Variants in LIPA observed in about 807,000 individuals in gnomAD.
The protein encoded by LIPA is lipase A, lysosomal acid type.
A neutral mutation model predicts 40.6 loss-of-function variants in LIPA; 26 were observed. That is an observed-to-expected ratio of 0.64 (90% confidence interval 0.47 to 0.89). LIPA has a LOEUF of 0.89. LIPA is among the 40% of genes least tolerant of loss of function. The pLI, the probability that LIPA is intolerant of heterozygous loss-of-function variation, is 0.00. For missense variants in LIPA, 455 were observed against 479.6 expected, an observed-to-expected ratio of 0.95 and a Z score of 0.48; for synonymous variants, 188 against 168.4, an observed-to-expected ratio of 1.12 and a Z score of -0.90.
intron 2 of LIPA, among the ~76,000 whole-genome samples, chr10:89,366,165 A>G (rs1297024221): frequency 6.6e-6 from 1 of 152,130 alleles, no homozygotes; most frequent in Non-Finnish European, 1.5e-5. Context: ...GAGGTCCTTC[A>G]CATCCCTTGT....
intron 1 of LIPA, among the ~76,000 whole-genome samples, chr10:89,288,928 C>A (rs985590593): frequency 6.6e-6 from 1 of 152,206 alleles, no homozygotes; most frequent in Non-Finnish European, 1.5e-5. Flanking sequence ...ATCATTAATT[C>A]CTCTTTAATA....
chr10:89,261,435 G>C (rs193181938), intron 1 of LIPA, among the ~76,000 whole-genome samples: 2 of 152,270 alleles, frequency 1.3e-5, no homozygotes, highest in African/African-American at 4.8e-5. Flanking sequence ...AACCCGGGAG[G>C]AGGAGGTTGC....
At chr10:89,306,561 T>C in intron 1 of LIPA, 3 of 1,614,086 alleles carry the variant, frequency 1.9e-6, no homozygotes, top group Non-Finnish European at 1.7e-6. Flanking sequence ...AGGCAAGCCA[T>C]TCGGCTGAAT....
chr10:89,257,306 T>C (rs1055878876), intron 1 of LIPA, among the ~76,000 whole-genome samples: 2 of 152,220 alleles, frequency 1.3e-5, no homozygotes, highest in African/African-American at 4.8e-5. Flanking sequence ...ATTTTGATTT[T>C]GACAACTTTC....
At chr10:89,313,804 A>G (rs1247395293) in intron 1 of LIPA, among the ~76,000 whole-genome samples, 1 of 152,230 alleles carries the variant, frequency 6.6e-6, no homozygotes, top group African/African-American at 2.4e-5. Context: ...ATATTGTATG[A>G]TTCTGTTTAT....
At chr10:89,218,104 C>T (rs1037309836) in intron 8 of LIPA, among the ~76,000 whole-genome samples, 1 of 151,936 alleles carries the variant, frequency 6.6e-6, no homozygotes. Flanking sequence ...GGAGGAAATG[C>T]CTATAGTATT....
At chr10:89,412,800 G>T in exon 2 of LIPA, 1 of 264,410 alleles carries the variant, frequency 3.8e-6, no homozygotes, top group Admixed American at 5.0e-5. Context: ...CCAGAAGGAA[G>T]AAACTCCAGA....
intron 7 of LIPA, 127 bp from the exon 8 acceptor site, chr10:89,222,709 G>A (rs1842716303): frequency 4.2e-6 from 3 of 711,496 alleles, no homozygotes; most frequent in East Asian, 2.6e-5. Context: ...TGAGATGAGA[G>A]GTAGAAAAAA....
intron 1 of LIPA, among the ~76,000 whole-genome samples, chr10:89,266,035 C>T (rs1001458705): frequency 6.6e-6 from 1 of 152,222 alleles, no homozygotes; most frequent in African/African-American, 2.4e-5. Context: ...CAGCCCCCTT[C>T]AGCTGTGATG....
chr10:89,408,975 T>C (rs1290801613), intron 2 of LIPA, among the ~76,000 whole-genome samples: 2 of 152,152 alleles, frequency 1.3e-5, no homozygotes, highest in Non-Finnish European at 2.9e-5. Flanking sequence ...CTAGAAGGAC[T>C]AAGGAGAATT....
At chr10:89,271,093 T>A (rs771123077) in intron 1 of LIPA, among the ~76,000 whole-genome samples, 7 of 152,212 alleles carry the variant, frequency 4.6e-5, no homozygotes, top group Non-Finnish European at 8.8e-5. Context: ...TGAGCAAGAT[T>A]CCTGTGACCC....
At chr10:89,308,887 T>A (rs1199101612) in intron 1 of LIPA, 2 of 152,334 alleles carry the variant, frequency 1.3e-5, no homozygotes, top group East Asian at 3.9e-4. Flanking sequence ...TGTCATATAT[T>A]TTCATTAATA....
chr10:89,310,199 C>A (rs899607786), intron 1 of LIPA, among the ~76,000 whole-genome samples: 1 of 152,154 alleles, frequency 6.6e-6, no homozygotes, highest in South Asian at 2.1e-4. Flanking sequence ...TTATTTATTT[C>A]TCTGCCTCAG....
chr10:89,289,816 T>C (rs114463291), intron 1 of LIPA, among the ~76,000 whole-genome samples: 2,133 of 152,258 alleles, frequency 0.014, 49 homozygotes, highest in African/African-American at 0.049. Context: ...ACACTTACTC[T>C]TATTCTCGTT....
In LIPA at chr10:89,214,870, C is replaced by G. The variant is rs529668674; in HGVS notation, c.1158G>C (p.Arg386Ser). The G allele has an allele frequency of 6.8e-6, 11 of 1,612,756 alleles. No individual in the cohort carries two copies. In the East Asian group the frequency reaches 1.1e-4, roughly 16 times the overall value. ...DFIWGLDAPW[R>S]LYNKIINLMR... ...TTAGATTAATAATTTTATTATAAAGCCTCCAAGGGGCATCCAGGCCCCAAA... is the reference window on the plus strand; with the variant it reads ...TTAGATTAATAATTTTATTATAAAGGCTCCAAGGGGCATCCAGGCCCCAAA... Residue 386 changes from arginine to serine, a missense_variant, in exon 10 of 10, where the codon AGG becomes AGC. Physicochemically the swap from Arg to Ser is moderately radical, Grantham distance 110. Transcript: ENST00000336233.
intron 2 of LIPA, among the ~76,000 whole-genome samples, chr10:89,395,553 C>A (rs1415219422): frequency 2.0e-5 from 3 of 152,080 alleles, no homozygotes; most frequent in Admixed American, 2.0e-4. Context: ...CATGGCTTTC[C>A]GAGAGAGTGG....
chr10:89,371,180 C>G (rs1311408418), intron 2 of LIPA, among the ~76,000 whole-genome samples: 2 of 152,246 alleles, frequency 1.3e-5, no homozygotes, highest in African/African-American at 2.4e-5. Flanking sequence ...CTCATACAGA[C>G]AGCCTGGATA....
chr10:89,244,740 A>G (rs573494090), intron 3 of LIPA, among the ~76,000 whole-genome samples: 1 of 152,282 alleles, frequency 6.6e-6, no homozygotes, highest in East Asian at 1.9e-4. Context: ...AAAATGAGAG[A>G]GAGAAAAAAG....
intron 1 of LIPA, among the ~76,000 whole-genome samples, chr10:89,248,937 T>C (rs939997218): frequency 5.3e-5 from 8 of 152,174 alleles, no homozygotes; most frequent in Admixed American, 5.2e-4. Context: ...AGAGGATAGT[T>C]TGAGAAAAAG....
Sources: gnomAD v4.1 joint callset for allele counts (sites outside exome capture counted in the v4.1 genomes callset) on GRCh38, gnomAD v4.1.1 for gene constraint, MANE v1.5 for transcripts, NCBI Gene and HGNC (gene_info 2026-07-23, HGNC 2026-07-21) for gene names.